Variants in RBM17 observed in about 807,000 individuals in gnomAD.
RBM17 encodes the protein RNA binding motif protein 17.
RBM17 carries 7 observed loss-of-function variants against 53.2 expected under a neutral mutation model. The observed-to-expected ratio is 0.13, with a 90% CI of 0.07 to 0.25. The LOEUF (loss-of-function observed/expected upper bound fraction) is 0.25. Ranked by LOEUF, RBM17 falls within the 10% of genes least tolerant of loss-of-function variation. RBM17 has a pLI of 1.00. For missense variants in RBM17, 257 were observed against 496.7 expected, an observed-to-expected ratio of 0.52 and a Z score of 4.59; for synonymous variants, 167 against 178.1, an observed-to-expected ratio of 0.94 and a Z score of 0.50.
In RBM17 at chr10:6,117,371, T is replaced by A. The variant is rs1406071840; in HGVS notation, c.*1815T>A. On this transcript the variant is annotated 3_prime_UTR_variant, in exon 12 of 12. Transcript: ENST00000379888. Reference sequence around the variant, plus strand: ...AGTTAGTACTTGAGAAATTTGAAATTAATTTTCAATATTAACATTTAAGCT... The same window carrying A: ...AGTTAGTACTTGAGAAATTTGAAATAAATTTTCAATATTAACATTTAAGCT... 1.3e-5 allele frequency: 2 copies of A among 152,138 alleles called. No individual in the cohort carries two copies. The highest frequency in any genetic ancestry group is 2.9e-5 in the Non-Finnish European group (2 of 68,038). 9.4% of individuals were successfully genotyped at this position (152,138 alleles called of 1,614,324 possible).
chr10:6,095,311 C>T (rs1160793299), intron 1 of RBM17, among the ~76,000 whole-genome samples: 2 of 152,200 alleles, frequency 1.3e-5, no homozygotes, highest in South Asian at 2.1e-4. Context: ...CTCCCGGGTT[C>T]AGGCGATTAT....
intron 1 of RBM17, among the ~76,000 whole-genome samples, chr10:6,093,815 C>G (rs1009193324): frequency 1.3e-5 from 2 of 152,114 alleles, no homozygotes; most frequent in East Asian, 1.9e-4. Flanking sequence ...GGATGCGACC[C>G]ATGTCTAAAC....
At chr10:6,107,220 A>G (rs1296359166) in intron 5 of RBM17, among the ~76,000 whole-genome samples, 1 of 152,250 alleles carries the variant, frequency 6.6e-6, no homozygotes, top group Non-Finnish European at 1.5e-5. Flanking sequence ...TCTGTTGCCC[A>G]GGCAGGAGTG....
At chr10:6,110,646 G>C (rs1001964257) in intron 7 of RBM17, among the ~76,000 whole-genome samples, 1 of 152,272 alleles carries the variant, frequency 6.6e-6, no homozygotes, top group East Asian at 1.9e-4. Flanking sequence ...AACTGTGCTG[G>C]GCTTGGCAAA....
At chr10:6,108,362 A>G (rs945253741) in intron 5 of RBM17, 1 of 354,886 alleles carries the variant, frequency 2.8e-6, no homozygotes, top group Non-Finnish European at 5.1e-6. Flanking sequence ...AAATAGTTAC[A>G]TTACTCTCTT....
chr10:6,102,853 G>T (rs539176846), intron 3 of RBM17, among the ~76,000 whole-genome samples: 1 of 152,276 alleles, frequency 6.6e-6, no homozygotes, highest in African/African-American at 2.4e-5. Flanking sequence ...ACGCTGGAGA[G>T]CAGTGGTGCA....
intron 5 of RBM17, 24 bp from the exon 6 acceptor site, chr10:6,108,662 A>G (rs1840791344): frequency 6.2e-7 from 1 of 1,605,338 alleles, no homozygotes; most frequent in Admixed American, 1.7e-5. Context: ...ACCTCCTTTA[A>G]TGCTTGGATT....
chr10:6,094,520 T>G (rs1000085658), intron 1 of RBM17, among the ~76,000 whole-genome samples: 1 of 152,208 alleles, frequency 6.6e-6, no homozygotes, highest in African/African-American at 2.4e-5. Context: ...CAGAAGAACC[T>G]GTAGTTCAGT....
At chr10:6,099,569 C>T (rs1029629667) in intron 2 of RBM17, among the ~76,000 whole-genome samples, 31 of 152,224 alleles carry the variant, frequency 2.0e-4, no homozygotes, top group African/African-American at 7.5e-4. Context: ...TATTTTAAAT[C>T]ATCTGTGGAT....
chr10:6,112,382 G>A lies in RBM17; in HGVS notation c.856+21G>A. 1 of 1,613,448 alleles carries A rather than the reference G, an allele frequency of 6.2e-7. No individual in the cohort carries two copies. The highest frequency in any genetic ancestry group is 8.5e-7 in the Non-Finnish European group (1 of 1,179,786). On this transcript the variant is annotated intron_variant, in intron 8 of 11. Coordinates refer to ENST00000379888, the MANE Select transcript of RBM17 (RefSeq NM_032905.5). The surrounding 1 kb of genome is among the most constrained non-coding windows in gnomAD (Gnocchi z 4.4). Reference sequence around the variant, plus strand: ...GAAAGGTGTGTCCCCAGGGAAGCGTGTGACTAGAGGGAAAGGACTGGCCCC... The same window carrying A: ...GAAAGGTGTGTCCCCAGGGAAGCGTATGACTAGAGGGAAAGGACTGGCCCC...
intron 1 of RBM17, among the ~76,000 whole-genome samples, chr10:6,094,124 G>A (rs772024170): frequency 1.3e-5 from 2 of 151,948 alleles, no homozygotes; most frequent in Non-Finnish European, 2.9e-5. Flanking sequence ...ACAGGTGCCC[G>A]CCACCATGCC....
At chr10:6,098,300 G>A (rs1840608699) in intron 2 of RBM17, among the ~76,000 whole-genome samples, 1 of 152,152 alleles carries the variant, frequency 6.6e-6, no homozygotes, top group Non-Finnish European at 1.5e-5. Context: ...AGAAAATTTA[G>A]TCAAAGGCTC....
At position 6,116,460 on chromosome 10, in the gene RBM17, G is replaced by C. The variant is rs1371612453; in HGVS notation, c.*904G>C. ...AAACTGTACTGCCAATAGAATTCTG[G>C]AATTGTGAGAAATTGTATCATTGAA... On this transcript the variant is annotated 3_prime_UTR_variant, in exon 12 of 12. Transcript: ENST00000379888. 6.6e-6 allele frequency: 1 copy of C among 152,328 alleles called. No individual in the cohort carries two copies. Among genetic ancestry groups the C allele is most frequent in the Non-Finnish European group, 1.5e-5 (1 of 68,026 alleles). The allele number at this position is 152,328 out of a possible 1,614,324, so 9.4% of individuals were successfully genotyped here.
At chr10:6,095,851 C>T (rs1049465613) in intron 1 of RBM17, among the ~76,000 whole-genome samples, 1 of 152,100 alleles carries the variant, frequency 6.6e-6, no homozygotes, top group Non-Finnish European at 1.5e-5. Flanking sequence ...CTTAGAATCC[C>T]TGTAATGGGG....
At chr10:6,108,410 G>A in intron 5 of RBM17, 1 of 448,998 alleles carries the variant, frequency 2.2e-6, no homozygotes, top group Non-Finnish European at 3.9e-6. Context: ...GTATTGTTTT[G>A]CCTTAAAATT....
chr10:6,110,672 G>A (rs1367015979), intron 7 of RBM17, among the ~76,000 whole-genome samples: 3 of 152,222 alleles, frequency 2.0e-5, no homozygotes, highest in African/African-American at 7.2e-5. Flanking sequence ...TGGTTAAGAG[G>A]ATATTCTGTG....
Position 6,108,758 on chromosome 10 carries a change from T to C in RBM17, c.562+16T>C. On this transcript the variant is annotated intron_variant, in intron 6 of 11. Transcript: ENST00000379888. ...GACAAAGAGTGTAAGTAGATCTGTT[T>C]CTTCCTCTTTTATTCTGATACAGGT... 6.3e-7 allele frequency: 1 copy of C among 1,599,026 alleles called. No individual in the cohort carries two copies. Among genetic ancestry groups the C allele is most frequent in the South Asian group, 1.1e-5 (1 of 90,550 alleles).
At chr10:6,109,343 C>CTT (rs760340527) in intron 6 of RBM17, among the ~76,000 whole-genome samples, 28 of 152,296 alleles carry the variant, frequency 1.8e-4, no homozygotes, top group Non-Finnish European at 3.7e-4. Context: ...ATTTATAGTA[C>CTT]TTTTTAAAAC....
At chr10:6,115,116 G>A in intron 10 of RBM17, 123 bp from the exon 11 acceptor site, 1 of 741,516 alleles carries the variant, frequency 1.3e-6, no homozygotes, top group South Asian at 1.9e-5. Context: ...CTTGGTATTT[G>A]ACAACTACTT....
Sources: allele counts gnomAD v4.1 joint callset (sites outside exome capture counted in the v4.1 genomes callset), GRCh38; gene constraint gnomAD v4.1.1; non-coding constraint Gnocchi (gnomAD v3.1); transcripts MANE v1.5; gene names NCBI Gene and HGNC (gene_info 2026-07-23, HGNC 2026-07-21).